MAML3: variants seen among roughly 807,000 people sequenced by gnomAD.
MAML3 encodes the protein mastermind-like protein 3.
MAML3 carries 27 observed loss-of-function variants against 101.9 expected under a neutral mutation model. The ratio of observed to expected loss-of-function variants is 0.27; its 90% CI spans 0.20 to 0.37. The LOEUF is 0.37. Among genes scored for constraint, MAML3 ranks in the 10% least tolerant of loss-of-function variants. MAML3 has a pLI of 1.00. For synonymous variants in MAML3, 501 were observed against 555.9 expected (o/e 0.90, Z 1.39); for missense variants, 1,316 against 1,444.9 (o/e 0.91, Z 1.45).
intron 1 of MAML3, among the ~76,000 whole-genome samples, chr4:140,104,382 T>TA (rs578127064): frequency 9.3e-4 from 37 of 39,884 alleles, no homozygotes; most frequent in South Asian, 4.2e-3. Context: ...ATATAATATA[T>TA]ATATATTATA....
chr4:139,871,653 T>C (rs1342566703), intron 2 of MAML3, among the ~76,000 whole-genome samples: 1 of 152,238 alleles, frequency 6.6e-6, no homozygotes, highest in African/African-American at 2.4e-5. Context: ...CTAATGAGCT[T>C]TGAGGGGCTT....
intron 2 of MAML3, among the ~76,000 whole-genome samples, chr4:139,871,502 G>C (rs1732007007): frequency 6.6e-6 from 1 of 152,148 alleles, no homozygotes; most frequent in African/African-American, 2.4e-5. Context: ...GTCACACGCA[G>C]TCAGGTCCTA....
intron 4 of MAML3, among the ~76,000 whole-genome samples, chr4:139,722,540 A>T (rs748192629): frequency 1.2e-4 from 18 of 152,326 alleles, no homozygotes; most frequent in South Asian, 4.1e-4. Context: ...GGTTAACATC[A>T]CAATGTCCAA....
chr4:139,756,431 T>A (rs1004080170), intron 2 of MAML3, among the ~76,000 whole-genome samples: 6 of 152,184 alleles, frequency 3.9e-5, no homozygotes, highest in Non-Finnish European at 8.8e-5. Flanking sequence ...AGACAGAAAG[T>A]TGGCCTTAAA....
Position 139,952,123 on chromosome 4 carries a change from C to A in MAML3, c.469-61156G>T, listed in dbSNP as rs180716942. Among the ~76,000 whole-genome samples, 47 of 152,260 alleles carry A rather than the reference C, an allele frequency of 3.1e-4. No individual in the cohort carries two copies. The East Asian group carries it at 8.7e-3, about 28-fold the overall frequency. The stretch of plus-strand genomic sequence containing the variant: ...GAGGCTGCAGTGAGCCGAGATCGTG[C>A]CATTGCACTCCAGCCTAAGGGACAA... On this transcript the variant is annotated intron_variant, in intron 1 of 4. Transcript: ENST00000509479.
intron 2 of MAML3, chr4:139,794,445 G>A (rs976253531): frequency 1.3e-5 from 2 of 152,240 alleles, no homozygotes; most frequent in African/African-American, 4.8e-5. Flanking sequence ...ATCTGACTGT[G>A]CACTGGATAC....
At chr4:140,020,461 T>G (rs958555035) in intron 1 of MAML3, among the ~76,000 whole-genome samples, 7 of 152,154 alleles carry the variant, frequency 4.6e-5, no homozygotes, top group South Asian at 2.1e-4. Flanking sequence ...TATTTGCTCA[T>G]ATTGAGGCTA....
intron 1 of MAML3, among the ~76,000 whole-genome samples, chr4:140,025,228 G>C (rs987296353): frequency 2.6e-5 from 4 of 152,080 alleles, no homozygotes; most frequent in African/African-American, 9.7e-5. Context: ...ATATTGTTAG[G>C]CTTGATAATA....
At chr4:140,086,794 G>GA (rs965829224) in intron 1 of MAML3, among the ~76,000 whole-genome samples, 3 of 151,652 alleles carry the variant, frequency 2.0e-5, no homozygotes, top group Admixed American at 6.6e-5. Context: ...TAGGAGTAGA[G>GA]AAAAAAAAGA....
chr4:139,934,142 G>A (rs1341268341), intron 1 of MAML3, among the ~76,000 whole-genome samples: 1 of 152,004 alleles, frequency 6.6e-6, no homozygotes, highest in Non-Finnish European at 1.5e-5. Context: ...TGAATGTCAT[G>A]TGTGAATGTG....
intron 2 of MAML3, among the ~76,000 whole-genome samples, chr4:139,830,690 A>G (rs914482353): frequency 1.3e-5 from 2 of 152,122 alleles, no homozygotes; most frequent in African/African-American, 2.4e-5. Flanking sequence ...CTGGGATTAC[A>G]GGCGTGAGCC....
chr4:139,904,799 G>A (rs570769164), intron 1 of MAML3, among the ~76,000 whole-genome samples: 12 of 152,294 alleles, frequency 7.9e-5, no homozygotes, highest in African/African-American at 2.9e-4. Context: ...CACACCTGGG[G>A]TCTATTGCTG....
intron 1 of MAML3, among the ~76,000 whole-genome samples, chr4:140,002,050 T>G (rs1455701071): frequency 6.9e-6 from 1 of 145,116 alleles, no homozygotes; most frequent in African/African-American, 2.5e-5. Flanking sequence ...ACACTTATCA[T>G]TTTTTTTTGT....
chr4:139,824,047 G>A (rs1160482674), intron 2 of MAML3, among the ~76,000 whole-genome samples: 1 of 152,118 alleles, frequency 6.6e-6, no homozygotes, highest in Non-Finnish European at 1.5e-5. Context: ...AATTGAGGAG[G>A]AAGTAAAATA....
At chr4:140,145,863 T>C (rs1253020594) in intron 1 of MAML3, among the ~76,000 whole-genome samples, 6 of 72,356 alleles carry the variant, frequency 8.3e-5, no homozygotes, top group Non-Finnish European at 1.4e-4. Context: ...GCGCCTGGCC[T>C]TTTTTTTCTT....
intron 1 of MAML3, among the ~76,000 whole-genome samples, chr4:139,949,700 T>C (rs1475456395): frequency 1.3e-5 from 2 of 152,270 alleles, no homozygotes; most frequent in African/African-American, 2.4e-5. Context: ...TTTGACAAGA[T>C]TGTTAACTGC....
At position 139,785,331 on chromosome 4, in the gene MAML3, A is replaced by T. The variant is rs543298963; in HGVS notation, c.2080-54664T>A. ...ATTAATAATCAGAGTTCACTTTCAT[A>T]GGGCTCTGGGCAGAAAATAAAATGA... is the stretch of plus-strand genomic sequence containing the variant. On this transcript the variant is annotated intron_variant, in intron 2 of 4. Transcript: ENST00000509479. This position sits in a 1 kb window ranked among gnomAD's most constrained non-coding sequence, Gnocchi z 4.3. Among the ~76,000 whole-genome samples, 11 of 152,204 alleles carry T rather than the reference A, an allele frequency of 7.2e-5. No homozygotes were observed. The highest frequency in any genetic ancestry group is 1.6e-4 in the Non-Finnish European group (11 of 68,042).
intron 1 of MAML3, among the ~76,000 whole-genome samples, chr4:140,132,104 C>T (rs1728804398): frequency 1.3e-5 from 2 of 152,242 alleles, no homozygotes; most frequent in South Asian, 2.1e-4. Flanking sequence ...TCCTCAGGCC[C>T]GGCCCACACT....
At chr4:139,933,213 C>T (rs963322214) in intron 1 of MAML3, among the ~76,000 whole-genome samples, 1 of 151,100 alleles carries the variant, frequency 6.6e-6, no homozygotes. Flanking sequence ...CATAGCCACA[C>T]ATGTAAGACA....
Sources: gnomAD v4.1 joint callset for allele counts (sites outside exome capture counted in the v4.1 genomes callset) on GRCh38, gnomAD v4.1.1 for gene constraint, Gnocchi (gnomAD v3.1) non-coding constraint, MANE v1.5 for transcripts, NCBI Gene and HGNC (gene_info 2026-07-23, HGNC 2026-07-21) for gene names.